The following UTP20 variants were observed in gnomAD, a reference collection of about 807,000 sequenced individuals.
UTP20 encodes UTP20 small subunit processome component.
UTP20 carries 164 observed loss-of-function variants against 329.5 expected under a neutral mutation model. The observed-to-expected ratio is 0.50, with a 90% CI of 0.44 to 0.57. UTP20 has a LOEUF of 0.57. Among genes scored for constraint, UTP20 ranks in the 20% least tolerant of loss-of-function variants. The pLI is 0.00. For synonymous variants in UTP20, 1,151 were observed against 1,159.3 expected, an observed-to-expected ratio of 0.99 and a Z score of 0.14; for missense variants, 3,055 against 3,284.2, an observed-to-expected ratio of 0.93 and a Z score of 1.71.
At chr12:101,384,464 C>CT (rs1420346946) in intron 60 of UTP20, among the ~76,000 whole-genome samples, 15 of 152,168 alleles carry the variant, frequency 9.9e-5, no homozygotes, top group Non-Finnish European at 2.2e-4. Flanking sequence ...TCTCTTGAGG[C>CT]TGTGAGGTCG....
intron 37 of UTP20, 132 bp from the exon 38 acceptor site, chr12:101,346,319 G>A (rs1321562448): frequency 1.9e-6 from 2 of 1,074,828 alleles, no homozygotes; most frequent in Non-Finnish European, 2.5e-6. Flanking sequence ...CCGAGTGCTA[G>A]GATTACAGGC....
At position 101,290,561 on chromosome 12, in the gene UTP20, C is replaced by G. The variant is rs544719865; in HGVS notation, c.736-172C>G. Among the ~76,000 whole-genome samples the G allele has an allele frequency of 7.2e-5, 11 of 152,326 alleles. No homozygotes were observed. In the East Asian group the frequency reaches 1.9e-3, roughly 27 times the overall value. On this transcript the variant is annotated intron_variant, in intron 7 of 61. Coordinates refer to ENST00000261637, the MANE Select transcript of UTP20 (RefSeq NM_014503.3). ...ACAGTTGTAATGATAAAATTCCCAT[C>G]CTAGTTTAGAAGTTCCTTTTGGGAC...
At chr12:101,383,514 C>A in intron 59 of UTP20, 29 bp from the exon 60 acceptor site, 1 of 1,603,498 alleles carries the variant, frequency 6.2e-7, no homozygotes, top group South Asian at 1.1e-5. Context: ...AGAAGTCTTT[C>A]AAATGAAAAA....
At position 101,352,231 on chromosome 12, in the gene UTP20, A is replaced by G. The variant is rs751400879; in HGVS notation, c.5024+37A>G. On this transcript the variant is annotated intron_variant, in intron 39 of 61. Transcript: ENST00000261637. Reference sequence around the variant, plus strand: ...CTTCTTATTTTTGTTTTGTTTTTTAAATGTAATTTATGGCTGCATAGTATT... The same window carrying G: ...CTTCTTATTTTTGTTTTGTTTTTTAGATGTAATTTATGGCTGCATAGTATT... 6.3e-6 allele frequency: 10 copies of G among 1,585,882 alleles called. No individual in the cohort carries two copies. The East Asian group carries it at 2.2e-4, about 36-fold the overall frequency.
chr12:101,340,937 C>CTTTGTTTTTTTTTTTT, intron 32 of UTP20, among the ~76,000 whole-genome samples: 1 of 82,970 alleles, frequency 1.2e-5, no homozygotes, highest in Non-Finnish European at 2.7e-5. Flanking sequence ...ATTGTGTAAT[C>CTTTGTTTTTTTTTTTT]TTTTTTTTTT....
At chr12:101,353,614 T>G (rs978950807) in intron 40 of UTP20, among the ~76,000 whole-genome samples, 2 of 151,954 alleles carry the variant, frequency 1.3e-5, no homozygotes, top group African/African-American at 4.8e-5. Flanking sequence ...GGCAGAAGGA[T>G]CAGTGGAGCC....
rs1162949365 is a variant in UTP20 at position 101,381,223 on chromosome 12, A to G, written c.7656+12A>G. 6.2e-7 allele frequency: 1 copy of G among 1,607,484 alleles called. No homozygotes were observed. The highest frequency in any genetic ancestry group is 1.1e-5 in the South Asian group (1 of 90,914). Reference sequence around the variant, plus strand: ...CTCTAGGAGAACAGGTAAGAATTGTAGTTCTCCCAGTTTAAAAGAAGGGGC... The same window carrying G: ...CTCTAGGAGAACAGGTAAGAATTGTGGTTCTCCCAGTTTAAAAGAAGGGGC... On this transcript the variant is annotated intron_variant, in intron 58 of 61. Transcript: ENST00000261637.
intron 41 of UTP20, among the ~76,000 whole-genome samples, chr12:101,355,874 G>A (rs12316309): frequency 0.023 from 3,479 of 151,668 alleles, 142 homozygotes; most frequent in African/African-American, 0.08. Flanking sequence ...TATACTAACA[G>A]TGTCACTCAC....
At chr12:101,360,472 A>C (rs181570320) in intron 43 of UTP20, among the ~76,000 whole-genome samples, 40 of 152,298 alleles carry the variant, frequency 2.6e-4, no homozygotes, top group African/African-American at 8.7e-4. Flanking sequence ...ATAAAGTTGA[A>C]AAATCATAGA....
chr12:101,338,982 A>T, intron 31 of UTP20, 25 bp downstream of exon 31: 2 of 1,560,118 alleles, frequency 1.3e-6, no homozygotes, highest in Non-Finnish European at 1.7e-6. Flanking sequence ...GATACTTAAA[A>T]GATAACATTA....
chr12:101,383,430 C>A, intron 59 of UTP20, 113 bp from the exon 60 acceptor site: 1 of 1,491,364 alleles, frequency 6.7e-7, no homozygotes, highest in Non-Finnish European at 9.0e-7. Flanking sequence ...CAAACTGCAG[C>A]AATAACATCC....
chr12:101,285,476 A>G, intron 2 of UTP20, 94 bp from the exon 3 acceptor site: 4 of 1,335,088 alleles, frequency 3.0e-6, no homozygotes, highest in Non-Finnish European at 4.2e-6. Context: ...CTTCAGTATC[A>G]TTGTCTTAAG....
chr12:101,295,611 G>C lies in UTP20; in HGVS notation c.1383G>C (p.Ser461=). Residue 461 remains serine (S), a synonymous_variant, in exon 12 of 62, where the codon TCG becomes TCC. Transcript: ENST00000261637. ...LNKAAPPTAG[S]MAIEKYPLVF... The stretch of plus-strand genomic sequence containing the variant: ...AAGCAGCACCTCCCACTGCTGGCTC[G>C]ATGGCAATTGAAAAGTACCCTCTGG... 4 of 1,612,470 alleles carry C rather than the reference G, an allele frequency of 2.5e-6. No homozygotes were observed. The highest frequency in any genetic ancestry group is 1.1e-5 in the South Asian group (1 of 91,004).
rs1872225849 is a variant in UTP20, at chr12:101,293,205, G to A, written c.1211G>A (p.Ser404Asn). Residue 404 changes from serine (S) to asparagine (N), a missense_variant, in exon 11 of 62, where the codon AGT (serine) becomes AAT (asparagine). Around this residue, in one of 3 missense-constraint regions of UTP20, gnomAD observed 2,445 missense variants for 2,575.5 expected, o/e 0.95. Coordinates refer to ENST00000261637, the MANE Select transcript of UTP20 (RefSeq NM_014503.3). The stretch of plus-strand genomic sequence containing the variant: ...AGATTTGAAAAACGTTTAATTTTCA[G>A]TTTTTCTGAAGTCATGTTTGCCATG... ...ESRFEKRLIFSFSEVMFAMKQ... is the reference protein window; with the variant it reads ...ESRFEKRLIFNFSEVMFAMKQ... 3 of 1,614,044 alleles carry A rather than the reference G, an allele frequency of 1.9e-6. No homozygotes were observed. Among genetic ancestry groups the A allele is most frequent in the African/African-American group, 2.7e-5 (2 of 75,054 alleles).
In UTP20 at chr12:101,372,934, A is replaced by G; in HGVS notation, c.6849A>G (p.Pro2283=). 6.2e-7 allele frequency: 1 copy of G among 1,614,176 alleles called. No individual in the cohort carries two copies. ...ATCCCCTGGGTGACAAATTGAGACCAAACTTGGAATTCATGCTCGCTCAAC... is the reference window on the plus strand; with the variant it reads ...ATCCCCTGGGTGACAAATTGAGACCGAACTTGGAATTCATGCTCGCTCAAC... The part of the protein sequence containing the change: ...LDYPLGDKLR[P]NLEFMLAQLN... The change falls in exon 52 of 62, where the codon CCA becomes CCG. Residue 2283 remains proline (P), a synonymous_variant. Transcript: ENST00000261637.
chr12:101,362,223 G>A (rs1019008539), intron 44 of UTP20, among the ~76,000 whole-genome samples, 163 bp downstream of exon 44: 3 of 152,186 alleles, frequency 2.0e-5, no homozygotes, highest in African/African-American at 4.8e-5. Flanking sequence ...ACTAAAGCGA[G>A]ATGGGCACTC....
At chr12:101,293,372 T>G in intron 11 of UTP20, 127 bp downstream of exon 11, 1 of 774,060 alleles carries the variant, frequency 1.3e-6, no homozygotes, top group South Asian at 1.8e-5. Flanking sequence ...GATGTTTTAG[T>G]CAATATGTTT....
intron 44 of UTP20, 89 bp from the exon 45 acceptor site, chr12:101,363,487 G>T: frequency 1.7e-6 from 2 of 1,189,280 alleles, no homozygotes; most frequent in Non-Finnish European, 1.2e-6. Flanking sequence ...CTTTGATTTG[G>T]ACATACCAGG....
chr12:101,367,625 T>C (rs937511266), intron 47 of UTP20, among the ~76,000 whole-genome samples: 29 of 152,206 alleles, frequency 1.9e-4, no homozygotes, highest in African/African-American at 6.5e-4. Context: ...GGAATCACAG[T>C]AGATGCTGAG....
Sources: gnomAD v4.1 joint callset for allele counts (sites outside exome capture counted in the v4.1 genomes callset) on GRCh38, gnomAD v4.1.1 for gene constraint, gnomAD v4.1.1 regional missense constraint, MANE v1.5 for transcripts, NCBI Gene and HGNC (gene_info 2026-07-23, HGNC 2026-07-21) for gene names.